BMX: variants seen among roughly 807,000 people sequenced by gnomAD.
The protein encoded by BMX is BMX non-receptor tyrosine kinase.
Under a neutral mutation model 59.2 loss-of-function variants are expected in BMX, and 31 were observed. That is an observed-to-expected ratio of 0.52 (90% CI 0.39 to 0.71). The LOEUF is 0.71. Among genes scored for constraint, BMX ranks in the 30% least tolerant of loss-of-function variants. The pLI is 0.00. For missense variants in BMX, 474 were observed against 491.7 expected, an observed-to-expected ratio of 0.96 and a Z score of 0.34; for synonymous variants, 185 against 181.0, an observed-to-expected ratio of 1.02 and a Z score of -0.18.
chrX:15,513,257 C>T (rs999163809), intron 4 of BMX, among the ~76,000 whole-genome samples: 2 of 112,440 alleles, frequency 1.8e-5, no homozygotes, highest in Admixed American at 9.4e-5. Flanking sequence ...GCTTTCTGCT[C>T]TGTTATCCTT....
intron 9 of BMX, among the ~76,000 whole-genome samples, chrX:15,529,131 G>A (rs1012732716): frequency 9.0e-6 from 1 of 111,355 alleles, no homozygotes; most frequent in African/African-American, 3.3e-5. Context: ...TTACACATAG[G>A]GAAGTTATGC....
chrX:15,545,217 G>C (rs1309486443), intron 16 of BMX, among the ~76,000 whole-genome samples: 2 of 112,236 alleles, frequency 1.8e-5, no homozygotes, highest in African/African-American at 6.5e-5. Context: ...ATAAGGCAGA[G>C]AGAGAGACTG....
chrX:15,553,299 C>T (rs998556762), intron 18 of BMX, among the ~76,000 whole-genome samples: 24 of 111,615 alleles, frequency 2.2e-4, no homozygotes, highest in Non-Finnish European at 3.2e-4. Context: ...GATGAGCCCC[C>T]GCTTTTTTTT....
chrX:15,532,318 T>C (rs7062130), intron 11 of BMX, among the ~76,000 whole-genome samples: 15,064 of 109,549 alleles, frequency 0.14, 2,541 homozygotes, highest in African/African-American at 0.48. Context: ...GGTAGTTAGC[T>C]CTTTTTTTTT....
At chrX:15,501,574 T>C (rs1467340605) in intron 1 of BMX, among the ~76,000 whole-genome samples, 1 of 111,874 alleles carries the variant, frequency 8.9e-6, no homozygotes, top group Non-Finnish European at 1.9e-5. Context: ...TTGTGGTCCA[T>C]GTAAGTGCTT....
At chrX:15,543,163 T>C (rs1241743505) in intron 16 of BMX, 28 bp downstream of exon 16, 1 of 1,166,713 alleles carries the variant, frequency 8.6e-7, no homozygotes, top group East Asian at 3.0e-5. Context: ...GGGCAACCAG[T>C]GAAAGGGGGA....
At chrX:15,539,468 G>A (rs1601658493) in intron 14 of BMX, among the ~76,000 whole-genome samples, 1 of 111,004 alleles carries the variant, frequency 9.0e-6, no homozygotes, top group African/African-American at 3.3e-5. Flanking sequence ...TTGGGTGATG[G>A]ACCTTTGTGC....
At position 15,534,356 on chromosome X, in the gene BMX, T is replaced by G; in HGVS notation, c.1147+17T>G. Reference sequence around the variant, plus strand: ...ATTCAGCAGGTAACTTATTTTAGTTTTTCTTTTATGGGCCCTTGTTGTAAA... The same window carrying G: ...ATTCAGCAGGTAACTTATTTTAGTTGTTCTTTTATGGGCCCTTGTTGTAAA... On this transcript the variant is annotated intron_variant, in intron 12 of 18. Transcript: ENST00000348343. 4 of 1,148,051 alleles carry G rather than the reference T, an allele frequency of 3.5e-6. No individual in the cohort carries two copies. In the South Asian group the frequency reaches 8.8e-5, roughly 25 times the overall value. 94.6% of individuals were successfully genotyped at this position (1,148,051 alleles called of 1,213,427 possible).
At chrX:15,524,970 C>CAT (rs1159058147) in intron 7 of BMX, among the ~76,000 whole-genome samples, 1 of 111,855 alleles carries the variant, frequency 8.9e-6, no homozygotes, top group Non-Finnish European at 1.9e-5. Context: ...AGAATGCTTG[C>CAT]ATATATATAA....
Position 15,549,804 on chromosome X carries a change from C to T in BMX, c.1796-36C>T, listed in dbSNP as rs372194750. On this transcript the variant is annotated intron_variant, in intron 17 of 18. Coordinates refer to ENST00000348343, the MANE Select transcript of BMX (RefSeq NM_203281.3). ...TGTACTTTCTGATAACAGCTCTCTT[C>T]CTTTTTTATCTGGGCCACCTCTTGG... is the stretch of plus-strand genomic sequence containing the variant. 207 of 1,178,565 alleles carry T rather than the reference C, an allele frequency of 1.8e-4. 1 individual carries two copies. The South Asian group carries it at 4.0e-3, about 23-fold the overall frequency.
intron 18 of BMX, among the ~76,000 whole-genome samples, chrX:15,551,545 T>TA (rs36007649): frequency 0.12 from 4,062 of 32,869 alleles, 93 homozygotes; most frequent in African/African-American, 0.13. Flanking sequence ...ATATATATAT[T>TA]TTTTTTTTTT....
Position 15,511,666 on chromosome X carries a change from G to A in BMX, c.325+148G>A. Reference sequence around the variant, plus strand: ...TACTGATTTTCCTACCAACCTCAGGGAATGTGTCAGACTCATCCTCATTTT... The same window carrying A: ...TACTGATTTTCCTACCAACCTCAGGAAATGTGTCAGACTCATCCTCATTTT... On this transcript the variant is annotated intron_variant, in intron 4 of 18. Transcript: ENST00000348343. The A allele has an allele frequency of 8.4e-6, 4 of 478,282 alleles. No individual in the cohort carries two copies. In the South Asian group the frequency reaches 1.0e-4, roughly 12 times the overall value. The allele number at this position is 478,282 out of a possible 1,213,427, so 39.4% of individuals were successfully genotyped here. A position where few individuals can be genotyped will look rare whatever the true frequency, so the allele number is the denominator to read the frequency against.
chrX:15,502,710 T>C (rs1923611305), intron 1 of BMX, among the ~76,000 whole-genome samples: 1 of 112,517 alleles, frequency 8.9e-6, no homozygotes, highest in Non-Finnish European at 1.9e-5. Flanking sequence ...CCAGTATTTG[T>C]CTTTGGCCAG....
At chrX:15,554,929 T>G (rs1316631424) in intron 18 of BMX, among the ~76,000 whole-genome samples, 2 of 111,497 alleles carry the variant, frequency 1.8e-5, no homozygotes, top group African/African-American at 3.3e-5. Context: ...GGTCTCTTTG[T>G]TCATGTGCTA....
At chrX:15,551,000 G>GA (rs750580740) in intron 18 of BMX, among the ~76,000 whole-genome samples, 6 of 111,177 alleles carry the variant, frequency 5.4e-5, no homozygotes, top group African/African-American at 1.6e-4. Context: ...GTGGAGGCAG[G>GA]AACGAGCATG....
rs1923956150 is a variant in BMX, at chrX:15,511,484, G to C, written c.291G>C (p.Glu97Asp). 1.7e-6 allele frequency: 2 copies of C among 1,206,418 alleles called. No homozygotes were observed. Among genetic ancestry groups the C allele is most frequent in the Non-Finnish European group, 2.2e-6 (2 of 892,590 alleles). ...GLLYVYASNE[E>D]SRSQWLKALQ... ...TCTATGTCTATGCATCAAATGAAGA[G>C]AGCCGAAGTCAGTGGTTGAAAGCAT... The change falls in exon 4 of 19, where the codon GAG becomes GAC. Residue 97 changes from glutamate (E) to aspartate (D), a missense_variant. Coordinates refer to ENST00000348343, the MANE Select transcript of BMX (RefSeq NM_203281.3).
At chrX:15,553,082 G>A (rs1236515959) in intron 18 of BMX, among the ~76,000 whole-genome samples, 2 of 112,154 alleles carry the variant, frequency 1.8e-5, no homozygotes, top group African/African-American at 6.5e-5. Flanking sequence ...GGACCCTCAT[G>A]GTGCATTGAA....
At position 15,516,162 on chromosome X, in the gene BMX, G is replaced by C; in HGVS notation, c.376G>C (p.Val126Leu). 1 of 1,211,325 alleles carries C rather than the reference G, an allele frequency of 8.3e-7. No individual in the cohort carries two copies. Residue 126 changes from valine (V) to leucine (L), a missense_variant, in exon 5 of 19, where the codon GTG becomes CTG. By Grantham distance (32) the Val-to-Leu change is conservative. Transcript: ENST00000348343. ...LLVKYHSGFF[V>L]DGKFLCCQQS... is the part of the protein sequence containing the mutation. ...GGTCAAGTACCATAGTGGGTTCTTC[G>C]TGGACGGGAAGTTCCTGTGTTGCCA...
chrX:15,539,197 T>A (rs1254741126), intron 14 of BMX, among the ~76,000 whole-genome samples: 2 of 110,833 alleles, frequency 1.8e-5, no homozygotes, highest in Non-Finnish European at 3.8e-5. Context: ...GCTCATGATG[T>A]AACCTCTGTG....
Sources: allele counts gnomAD v4.1 joint callset (sites outside exome capture counted in the v4.1 genomes callset), GRCh38; gene constraint gnomAD v4.1.1; transcripts MANE v1.5; gene names NCBI Gene and HGNC (gene_info 2026-07-23, HGNC 2026-07-21).